The following NKAIN3 variants were observed in gnomAD, a reference collection of about 807,000 sequenced individuals.
NKAIN3 encodes the protein sodium/potassium transporting ATPase interacting 3, also known as sodium/potassium-transporting ATPase subunit beta-1-interacting protein 3.
NKAIN3 carries 25 observed loss-of-function variants against 30.2 expected under a neutral mutation model. The observed-to-expected ratio is 0.83, with a 90% CI of 0.60 to 1.16. The LOEUF is 1.16. NKAIN3 is among the 50% of genes most tolerant of loss of function. The pLI is 0.00. For synonymous variants in NKAIN3, 91 were observed against 89.6 expected (o/e 1.02, Z -0.09); for missense variants, 225 against 254.1 (o/e 0.89, Z 0.78).
At chr8:62,545,795 G>A (rs1808986390) in intron 1 of NKAIN3, among the ~76,000 whole-genome samples, 2 of 152,042 alleles carry the variant, frequency 1.3e-5, no homozygotes, top group South Asian at 4.1e-4. Context: ...TTTTGCATAG[G>A]TATGTAAAAA....
intron 1 of NKAIN3, among the ~76,000 whole-genome samples, chr8:62,334,066 G>A (rs1050237986): frequency 8.5e-5 from 13 of 152,072 alleles, no homozygotes; most frequent in South Asian, 2.1e-4. Context: ...GTGCTGAGCC[G>A]TGTGAAGATT....
chr8:62,415,421 G>A (rs1242328678), intron 1 of NKAIN3, among the ~76,000 whole-genome samples: 4 of 149,480 alleles, frequency 2.7e-5, no homozygotes, highest in South Asian at 4.2e-4. Flanking sequence ...TTCATTATTA[G>A]CATCATCATC....
intron 3 of NKAIN3, among the ~76,000 whole-genome samples, chr8:62,599,375 T>C (rs2130140440): frequency 6.6e-6 from 1 of 152,174 alleles, no homozygotes; most frequent in East Asian, 1.9e-4. Flanking sequence ...TATACTTGGG[T>C]AATCTCCTGA....
At chr8:62,855,705 G>T in intron 4 of NKAIN3, 1 of 1,583,436 alleles carries the variant, frequency 6.3e-7, no homozygotes, top group South Asian at 1.1e-5. Flanking sequence ...CATGTGAAGC[G>T]GAGCTTCTGA....
chr8:62,301,030 A>G (rs1289955306), intron 1 of NKAIN3, among the ~76,000 whole-genome samples: 3 of 152,138 alleles, frequency 2.0e-5, no homozygotes, highest in African/African-American at 4.8e-5. Context: ...AATCTTCTAA[A>G]GAATAAAGAC....
intron 4 of NKAIN3, among the ~76,000 whole-genome samples, chr8:62,754,205 G>T (rs1385697627): frequency 1.3e-5 from 2 of 151,942 alleles, no homozygotes; most frequent in Non-Finnish European, 2.9e-5. Flanking sequence ...TCATTTAGAG[G>T]CACTCATAAA....
rs556511741 is a variant in NKAIN3 at position 62,438,914 on chromosome 8, C to A, written c.55-140625C>A. Among the ~76,000 whole-genome samples the A allele has an allele frequency of 2.6e-5, 4 of 152,228 alleles. No individual in the cohort carries two copies. In the East Asian group the frequency reaches 7.8e-4, roughly 30 times the overall value. On this transcript the variant is annotated intron_variant, in intron 1 of 6. Transcript: ENST00000623646. ...TGTTCATTCTCAAGAGCTCAGATAT[C>A]CTCACAGGGGCTGATTGATGGCCAG...
chr8:62,480,004 T>G (rs987394032), intron 1 of NKAIN3, among the ~76,000 whole-genome samples: 3 of 152,228 alleles, frequency 2.0e-5, no homozygotes, highest in Non-Finnish European at 4.4e-5. Context: ...AAGATGTTTT[T>G]AAAGGAACAC....
At chr8:62,260,691 T>C (rs1032077928) in intron 1 of NKAIN3, among the ~76,000 whole-genome samples, 1 of 152,158 alleles carries the variant, frequency 6.6e-6, no homozygotes, top group African/African-American at 2.4e-5. Flanking sequence ...TCATACCAAC[T>C]GGGGATAGCT....
At chr8:62,991,500 C>T (rs1237187638) in intron 5 of NKAIN3, among the ~76,000 whole-genome samples, 1 of 152,196 alleles carries the variant, frequency 6.6e-6, no homozygotes, top group African/African-American at 2.4e-5. Flanking sequence ...CAATGCAGAG[C>T]AAAGTATGTG....
In NKAIN3 at chr8:62,420,898, T is replaced by C. The variant is rs1182900580; in HGVS notation, c.55-158641T>C. 3.3e-5 allele frequency among the ~76,000 whole-genome samples: 5 copies of C among 152,172 alleles called. No homozygotes were observed. The East Asian group carries it at 7.7e-4, about 23-fold the overall frequency. ...GGTTTTGGGTAATAACCACTTTTTATAGAACAGAGCCCAGAGATTAAACAG... is the reference window on the plus strand; with the variant it reads ...GGTTTTGGGTAATAACCACTTTTTACAGAACAGAGCCCAGAGATTAAACAG... On this transcript the variant is annotated intron_variant, in intron 1 of 6. Coordinates refer to ENST00000623646, the MANE Select transcript of NKAIN3 (RefSeq NM_001304533.3).
At chr8:62,457,474 A>T (rs886600039) in intron 1 of NKAIN3, among the ~76,000 whole-genome samples, 2 of 152,196 alleles carry the variant, frequency 1.3e-5, no homozygotes, top group African/African-American at 2.4e-5. Flanking sequence ...GTTGGAGGGT[A>T]AGCATGCTGC....
chr8:62,986,566 C>G (rs1824204022), downstream of NKAIN3, among the ~76,000 whole-genome samples: 2 of 152,160 alleles, frequency 1.3e-5, no homozygotes, highest in Admixed American at 1.3e-4. Flanking sequence ...TTCCTATAAT[C>G]TAATCATAGC....
At position 62,428,166 on chromosome 8, in the gene NKAIN3, T is replaced by C. The variant is rs1804874335; in HGVS notation, c.55-151373T>C. The stretch of plus-strand genomic sequence containing the variant: ...GTTTCATCCATGTTGCTGCAAATTA[T>C]AGGATTTCAATCTTTTTTACAGCTG... On this transcript the variant is annotated intron_variant, in intron 1 of 6. Coordinates refer to ENST00000623646, the MANE Select transcript of NKAIN3 (RefSeq NM_001304533.3). Among the ~76,000 whole-genome samples, 3 of 151,958 alleles carry C rather than the reference T, an allele frequency of 2.0e-5. No individual in the cohort carries two copies. In the South Asian group the frequency reaches 6.2e-4, roughly 31 times the overall value.
intron 3 of NKAIN3, among the ~76,000 whole-genome samples, chr8:62,631,671 G>T (rs761416830): frequency 1.3e-5 from 2 of 152,124 alleles, no homozygotes; most frequent in Non-Finnish European, 2.9e-5. Context: ...AGCTTCCAGA[G>T]ACTTCTGTTC....
chr8:62,796,935 A>C (rs1173561924), intron 4 of NKAIN3, among the ~76,000 whole-genome samples: 1 of 152,150 alleles, frequency 6.6e-6, no homozygotes, highest in Non-Finnish European at 1.5e-5. Flanking sequence ...AAAAAGGTGG[A>C]CTTTATCTCA....
chr8:62,595,283 C>A (rs1810788218), intron 3 of NKAIN3, among the ~76,000 whole-genome samples: 1 of 151,634 alleles, frequency 6.6e-6, no homozygotes, highest in South Asian at 2.1e-4. Context: ...TGAATTTCTT[C>A]TCCAAAAAGC....
At chr8:62,743,032 C>T (rs1246740453) in intron 3 of NKAIN3, among the ~76,000 whole-genome samples, 4 of 152,050 alleles carry the variant, frequency 2.6e-5, no homozygotes, top group Admixed American at 2.6e-4. Context: ...GAAAACCACC[C>T]CTATGACTCA....
intron 3 of NKAIN3, among the ~76,000 whole-genome samples, chr8:62,688,498 A>G (rs1009118245): frequency 4.6e-5 from 7 of 152,200 alleles, no homozygotes; most frequent in Non-Finnish European, 8.8e-5. Context: ...TTCATACAAT[A>G]TTGATTGACC....
Sources: allele counts gnomAD v4.1 joint callset (sites outside exome capture counted in the v4.1 genomes callset), GRCh38; gene constraint gnomAD v4.1.1; transcripts MANE v1.5; gene names NCBI Gene and HGNC (gene_info 2026-07-23, HGNC 2026-07-21).